The following ZNF487 variants were observed in gnomAD, a reference collection of about 807,000 sequenced individuals.
ZNF487 encodes the protein zinc finger protein 487.
A neutral mutation model predicts 3.0 loss-of-function variants in ZNF487; 4 were observed. That is an observed-to-expected ratio of 1.35 (90% CI 0.66 to 3.08). ZNF487 has a LOEUF of 3.08. ZNF487 is among the 30% of genes most tolerant of loss of function. The probability of loss-of-function intolerance (pLI) is 0.01; values close to 1 mark genes in which losing one functional copy is unlikely to be tolerated. For missense variants in ZNF487, 146 were observed against 98.7 expected (o/e 1.48, Z -2.03); for synonymous variants, 55 against 34.6 (o/e 1.59, Z -2.06).
intron 1 of ZNF487, among the ~76,000 whole-genome samples, chr10:43,460,911 T>C (rs1485836678): frequency 1.3e-5 from 2 of 152,108 alleles, no homozygotes; most frequent in African/African-American, 4.8e-5. Context: ...TGGCTGGTCT[T>C]GAACTCCTGG....
At chr10:43,481,309 G>A in intron 3 of ZNF487, 120 bp from the exon 4 acceptor site, 1 of 606,202 alleles carries the variant, frequency 1.6e-6, no homozygotes, top group South Asian at 2.1e-5. Flanking sequence ...ATCCAGCCTG[G>A]GTGACAGAGC....
At chr10:43,472,951 C>T (rs546678519) in intron 1 of ZNF487, among the ~76,000 whole-genome samples, 125 of 144,766 alleles carry the variant, frequency 8.6e-4, no homozygotes, top group African/African-American at 3.0e-3. Context: ...GAGGCTGAGG[C>T]GGGAGGATCA....
the ZNF487 span, among the ~76,000 whole-genome samples, chr10:43,509,614 C>T: frequency 6.6e-6 from 1 of 151,888 alleles, no homozygotes; most frequent in Non-Finnish European, 1.5e-5. Context: ...GTCCAATGTT[C>T]GAGGGCAGGA....
At position 43,461,586 on chromosome 10, in the gene ZNF487, A is replaced by G. The variant is rs570392743; in HGVS notation, c.-93-14135A>G. 1.8e-3 allele frequency among the ~76,000 whole-genome samples: 272 copies of G among 152,162 alleles called. 4 individuals are homozygous for G. Among genetic ancestry groups the G allele is most frequent in the Non-Finnish European group, 1.0e-3 (69 of 68,002 alleles). On this transcript the variant is annotated intron_variant, in intron 1 of 3. Transcript: ENST00000437590. ...TCCTCCTGTCTTGGCCTCCCAAAACATCGGGATTACAGGTATGAGCCACTG... is the reference window on the plus strand; with the variant it reads ...TCCTCCTGTCTTGGCCTCCCAAAACGTCGGGATTACAGGTATGAGCCACTG...
chr10:43,505,109 T>C, the ZNF487 span, among the ~76,000 whole-genome samples: 1 of 152,010 alleles, frequency 6.6e-6, no homozygotes, highest in Admixed American at 6.6e-5. Flanking sequence ...GACCTCGAAC[T>C]CCTGGGCTCA....
the ZNF487 span, among the ~76,000 whole-genome samples, chr10:43,489,302 T>A: frequency 3.3e-5 from 5 of 152,138 alleles, no homozygotes; most frequent in East Asian, 7.7e-4. Flanking sequence ...GTGAAAAAAA[T>A]TTAAAAAGTC....
chr10:43,491,617 G>A, the ZNF487 span, among the ~76,000 whole-genome samples: 1 of 151,568 alleles, frequency 6.6e-6, no homozygotes, highest in Non-Finnish European at 1.5e-5. Context: ...CTTACCTTTT[G>A]CCCAGCCTCT....
At chr10:43,457,393 T>G (rs1335325998) in intron 1 of ZNF487, among the ~76,000 whole-genome samples, 1 of 148,618 alleles carries the variant, frequency 6.7e-6, no homozygotes, top group East Asian at 2.1e-4. Flanking sequence ...CCGTCTCTAC[T>G]AAAAATAAAA....
chr10:43,466,202 G>A (rs114579840), intron 1 of ZNF487, among the ~76,000 whole-genome samples: 1 of 28,336 alleles, frequency 3.5e-5, no homozygotes, highest in African/African-American at 1.4e-4. Context: ...GGGAGAGGGA[G>A]CTGGAGCTTG....
the ZNF487 span, among the ~76,000 whole-genome samples, chr10:43,508,264 T>TA: frequency 6.6e-6 from 1 of 152,206 alleles, no homozygotes; most frequent in Non-Finnish European, 1.5e-5. Context: ...AATCTATAAA[T>TA]ATGAGCAGAA....
At chr10:43,447,884 A>T (rs1322460413) in intron 1 of ZNF487, among the ~76,000 whole-genome samples, 2 of 149,146 alleles carry the variant, frequency 1.3e-5, no homozygotes, top group Non-Finnish European at 3.0e-5. Context: ...TCTACAAACT[A>T]CTCAAGTCAG....
chr10:43,522,427 G>T, the ZNF487 span, among the ~76,000 whole-genome samples: 5 of 152,140 alleles, frequency 3.3e-5, no homozygotes, highest in African/African-American at 1.2e-4. Flanking sequence ...AAAGAAATCA[G>T]AGATAGAGCA....
intron 1 of ZNF487, among the ~76,000 whole-genome samples, chr10:43,474,477 A>G (rs1324030740): frequency 6.6e-6 from 1 of 152,010 alleles, no homozygotes; most frequent in East Asian, 1.9e-4. Flanking sequence ...AGGCAGGAGT[A>G]TTGCTTGAAC....
the ZNF487 span, among the ~76,000 whole-genome samples, chr10:43,521,817 T>A: frequency 6.6e-6 from 1 of 151,828 alleles, no homozygotes; most frequent in Non-Finnish European, 1.5e-5. Flanking sequence ...AATAAATAAA[T>A]GGTTAAAAAA....
At chr10:43,466,176 T>TA (rs1387308657) in intron 1 of ZNF487, among the ~76,000 whole-genome samples, 5 of 8,496 alleles carry the variant, frequency 5.9e-4, no homozygotes, top group South Asian at 3.5e-3. Context: ...AGGGAGACCG[T>TA]GGAAAGAGAG....
At chr10:43,496,889 T>C in the ZNF487 span, among the ~76,000 whole-genome samples, 1 of 152,154 alleles carries the variant, frequency 6.6e-6, no homozygotes, top group Admixed American at 6.6e-5. Context: ...TTTGTTTACA[T>C]AGGTAAACTC....
the ZNF487 span, among the ~76,000 whole-genome samples, chr10:43,497,733 C>T: frequency 3.3e-5 from 5 of 151,702 alleles, no homozygotes; most frequent in East Asian, 2.0e-4. Flanking sequence ...TTTGGGAGGC[C>T]GAGGCGGGAA....
chr10:43,484,097 G>A (rs549252966), downstream of ZNF487, among the ~76,000 whole-genome samples: 5 of 152,120 alleles, frequency 3.3e-5, no homozygotes, highest in South Asian at 1.0e-3. Flanking sequence ...TTGAACTCCT[G>A]ACCTCAGGTG....
At chr10:43,475,882 T>C (rs1369108083) in intron 2 of ZNF487, 35 bp downstream of exon 2, 1 of 717,940 alleles carries the variant, frequency 1.4e-6, no homozygotes, top group Non-Finnish European at 2.6e-6. Flanking sequence ...TCAAATAACA[T>C]TTATTTCCTT....
Sources: allele counts gnomAD v4.1 joint callset (sites outside exome capture counted in the v4.1 genomes callset), GRCh38; gene constraint gnomAD v4.1.1; transcripts MANE v1.5; gene names NCBI Gene and HGNC (gene_info 2026-07-23, HGNC 2026-07-21).